GALNTL6: variants seen among roughly 807,000 people sequenced by gnomAD.
GALNTL6 encodes the protein polypeptide N-acetylgalactosaminyltransferase-like 6.
Under a neutral mutation model 73.7 loss-of-function variants are expected in GALNTL6, and 46 were observed. The ratio of observed to expected loss-of-function variants is 0.62; its 90% CI spans 0.49 to 0.80. The LOEUF is 0.80. Ranked by LOEUF, GALNTL6 falls within the 30% of genes least tolerant of loss-of-function variation. The pLI, the probability that GALNTL6 is intolerant of heterozygous loss-of-function variation, is 0.00. For missense variants in GALNTL6, 604 were observed against 755.0 expected, an observed-to-expected ratio of 0.80 and a Z score of 2.34; for synonymous variants, 259 against 263.7, an observed-to-expected ratio of 0.98 and a Z score of 0.17.
At chr4:172,992,750 C>T (rs537712498) in intron 10 of GALNTL6, among the ~76,000 whole-genome samples, 1 of 152,304 alleles carries the variant, frequency 6.6e-6, no homozygotes, top group East Asian at 1.9e-4. Flanking sequence ...ATAGGAGCAA[C>T]TGGGAGGTTA....
chr4:172,274,911 G>A (rs1471372208), intron 3 of GALNTL6, among the ~76,000 whole-genome samples: 1 of 152,182 alleles, frequency 6.6e-6, no homozygotes, highest in Middle Eastern at 3.2e-3. Flanking sequence ...GAAGCTAGAA[G>A]TAACAATGTT....
chr4:172,042,864 TAAAAAAAAA>T lies in GALNTL6; in HGVS notation c.139-186773_139-186765del, dbSNP rs397996272. Among the ~76,000 whole-genome samples, 27 of 44,404 alleles carry T rather than the reference TAAAAAAAAA, an allele frequency of 6.1e-4. No homozygotes were observed. In the East Asian group the frequency reaches 6.5e-3, roughly 11 times the overall value. 29.1% of individuals were successfully genotyped at this position (44,404 alleles called of 152,430 possible). On this transcript the variant is annotated intron_variant, in intron 2 of 12. Transcript: ENST00000506823. ...GTTCTATCCGAGCAATCTTTAACAGTAAAAAAAAAAAAAAAAAAAAAAAAAAAGGTAATT... is the reference window on the plus strand; with the variant it reads ...GTTCTATCCGAGCAATCTTTAACAGTAAAAAAAAAAAAAAAAAAGGTAATT...
At chr4:172,351,216 T>TA (rs1741932585) in intron 5 of GALNTL6, among the ~76,000 whole-genome samples, 1 of 152,130 alleles carries the variant, frequency 6.6e-6, no homozygotes, top group African/African-American at 2.4e-5. Context: ...TCTATCTATC[T>TA]ATCTATCTAT....
intron 2 of GALNTL6, among the ~76,000 whole-genome samples, chr4:172,007,900 C>A (rs965313139): frequency 6.6e-6 from 1 of 151,874 alleles, no homozygotes. Context: ...ACATTGGGAT[C>A]TTTTTATTAG....
intron 2 of GALNTL6, among the ~76,000 whole-genome samples, chr4:172,066,817 G>T (rs1435453130): frequency 6.6e-6 from 1 of 151,900 alleles, no homozygotes; most frequent in Non-Finnish European, 1.5e-5. Flanking sequence ...AAATGTTTTT[G>T]CTCTCTTCTA....
intron 5 of GALNTL6, among the ~76,000 whole-genome samples, chr4:172,365,941 T>G (rs1483178052): frequency 6.6e-6 from 1 of 152,156 alleles, no homozygotes; most frequent in Non-Finnish European, 1.5e-5. Context: ...AAGCCTTATA[T>G]AACTGTAAAA....
chr4:172,358,424 T>TGCAGGCC (rs1742243189), intron 5 of GALNTL6, among the ~76,000 whole-genome samples: 1 of 152,288 alleles, frequency 6.6e-6, no homozygotes, highest in Non-Finnish European at 1.5e-5. Flanking sequence ...ACCCATGGCC[T>TGCAGGCC]GCAGGCCGCG....
intron 5 of GALNTL6, among the ~76,000 whole-genome samples, chr4:172,701,428 T>C (rs2111292029): frequency 2.0e-5 from 3 of 152,202 alleles, no homozygotes; most frequent in South Asian, 4.1e-4. Context: ...GAGTATAGCA[T>C]CCAGGCCAAC....
chr4:172,540,261 C>T lies in GALNTL6; in HGVS notation c.553+191572C>T, dbSNP rs1431684940. 2.6e-5 allele frequency among the ~76,000 whole-genome samples: 4 copies of T among 151,632 alleles called. No individual in the cohort carries two copies. In the East Asian group the frequency reaches 5.9e-4, roughly 22 times the overall value. ...ACACGGGGTTTCACCATTTTGGCCT[C>T]GATCTCCTGACCTCATTATCCGCCC... On this transcript the variant is annotated intron_variant, in intron 5 of 12. Coordinates refer to ENST00000506823, the MANE Select transcript of GALNTL6 (RefSeq NM_001034845.3).
intron 2 of GALNTL6, among the ~76,000 whole-genome samples, chr4:172,086,748 ACTT>A (rs1240878352): frequency 6.6e-5 from 10 of 152,080 alleles, no homozygotes; most frequent in Admixed American, 1.3e-4. Context: ...ATTCTTATTG[ACTT>A]CTTATTATAA....
chr4:171,977,097 A>G (rs1236391990), intron 2 of GALNTL6, among the ~76,000 whole-genome samples: 1 of 152,202 alleles, frequency 6.6e-6, no homozygotes, highest in Non-Finnish European at 1.5e-5. Context: ...GACTCTGGGC[A>G]TTCAGAAGAA....
intron 3 of GALNTL6, among the ~76,000 whole-genome samples, chr4:172,265,226 G>GA (rs1738411239): frequency 6.6e-6 from 1 of 151,990 alleles, no homozygotes; most frequent in South Asian, 2.1e-4. Flanking sequence ...TATCAACAGA[G>GA]ATGAGGGCAA....
chr4:172,726,834 A>C (rs111984559), intron 5 of GALNTL6, among the ~76,000 whole-genome samples: 118 of 152,306 alleles, frequency 7.7e-4, no homozygotes, highest in African/African-American at 2.7e-3. Flanking sequence ...CTGGTGTATG[A>C]GGTCCCTATT....
At chr4:171,984,245 G>A (rs1429670256) in intron 2 of GALNTL6, among the ~76,000 whole-genome samples, 1 of 152,204 alleles carries the variant, frequency 6.6e-6, no homozygotes, top group Non-Finnish European at 1.5e-5. Context: ...GCCACCTACA[G>A]AGTCCAATAA....
chr4:172,499,291 C>T (rs1734178771), intron 5 of GALNTL6, among the ~76,000 whole-genome samples: 1 of 151,958 alleles, frequency 6.6e-6, no homozygotes, highest in African/African-American at 2.4e-5. Context: ...GGATTAGCAC[C>T]TTATAAGAGG....
At chr4:172,233,444 A>G (rs1206199467) in intron 3 of GALNTL6, among the ~76,000 whole-genome samples, 1 of 152,146 alleles carries the variant, frequency 6.6e-6, no homozygotes, top group Non-Finnish European at 1.5e-5. Flanking sequence ...CTTCATTTTT[A>G]CATAATGTGA....
At chr4:171,824,787 T>C (rs1330152035) in intron 2 of GALNTL6, among the ~76,000 whole-genome samples, 1 of 152,208 alleles carries the variant, frequency 6.6e-6, no homozygotes, top group African/African-American at 2.4e-5. Flanking sequence ...TTTTGCATTT[T>C]AAAGTAGTTT....
chr4:172,144,659 A>G (rs1733882109), intron 2 of GALNTL6, among the ~76,000 whole-genome samples: 1 of 152,182 alleles, frequency 6.6e-6, no homozygotes, highest in South Asian at 2.1e-4. Flanking sequence ...CTATCATTTT[A>G]TCTTTTCTAA....
chr4:172,610,612 A>G (rs551990758), intron 5 of GALNTL6, among the ~76,000 whole-genome samples: 11 of 152,020 alleles, frequency 7.2e-5, no homozygotes, highest in Admixed American at 6.6e-4. Context: ...GGCTGAGCAT[A>G]TGGTCAATTT....
Sources: allele counts gnomAD v4.1 joint callset (sites outside exome capture counted in the v4.1 genomes callset), GRCh38; gene constraint gnomAD v4.1.1; transcripts MANE v1.5; gene names NCBI Gene and HGNC (gene_info 2026-07-23, HGNC 2026-07-21).